The following MAP4K4 variants were observed in gnomAD, a reference collection of about 807,000 sequenced individuals.
The protein encoded by MAP4K4 is mitogen-activated protein kinase kinase kinase kinase 4.
In MAP4K4, 38 loss-of-function variants were observed where a neutral mutation model predicts 189.6. The ratio of observed to expected loss-of-function variants is 0.20; its 90% CI spans 0.15 to 0.26. MAP4K4 has a LOEUF of 0.26. Ranked by LOEUF, MAP4K4 falls within the 10% of genes least tolerant of loss-of-function variation. MAP4K4 has a pLI of 1.00. For missense variants in MAP4K4, 1,054 were observed against 1,726.9 expected, an observed-to-expected ratio of 0.61 and a Z score of 6.91; for synonymous variants, 610 against 624.3, an observed-to-expected ratio of 0.98 and a Z score of 0.34.
chr2:101,741,632 A>G (rs896020553), intron 2 of MAP4K4, among the ~76,000 whole-genome samples: 7 of 152,008 alleles, frequency 4.6e-5, no homozygotes, highest in African/African-American at 1.7e-4. Context: ...AAATATTGAT[A>G]TAATCCAGCT....
At chr2:101,706,691 T>C (rs1419424499) in intron 2 of MAP4K4, among the ~76,000 whole-genome samples, 1 of 152,246 alleles carries the variant, frequency 6.6e-6, no homozygotes, top group Non-Finnish European at 1.5e-5. Context: ...TATGCAGGTA[T>C]GGTTGCCCCT....
intron 16 of MAP4K4, chr2:101,861,774 A>G (rs2097663806): frequency 6.6e-6 from 1 of 152,188 alleles, no homozygotes; most frequent in Non-Finnish European, 1.5e-5. Flanking sequence ...GCTGAAAACT[A>G]CTGACTTTTA....
chr2:101,794,360 T>A (rs750738444), intron 3 of MAP4K4, among the ~76,000 whole-genome samples: 12 of 152,218 alleles, frequency 7.9e-5, no homozygotes, highest in Non-Finnish European at 1.6e-4. Context: ...TACCAGTGAT[T>A]GCTCAACTTG....
At position 101,730,115 on chromosome 2, in the gene MAP4K4, T is replaced by C. The variant is rs17025993; in HGVS notation, c.123+31577T>C. Reference sequence around the variant, plus strand: ...AGGACGGGGGAAAGTAAAGGCTTATTATAAGGTTTCGATTCTGCTTCGTTC... The same window carrying C: ...AGGACGGGGGAAAGTAAAGGCTTATCATAAGGTTTCGATTCTGCTTCGTTC... On this transcript the variant is annotated intron_variant, in intron 2 of 32. Coordinates refer to ENST00000324219, the Ensembl canonical transcript of MAP4K4. 6.6e-5 allele frequency among the ~76,000 whole-genome samples: 10 copies of C among 152,328 alleles called. No homozygotes were observed. The East Asian group carries it at 7.7e-4, about 12-fold the overall frequency.
At chr2:101,837,560 T>C (rs541015057) in intron 9 of MAP4K4, among the ~76,000 whole-genome samples, 2 of 152,258 alleles carry the variant, frequency 1.3e-5, no homozygotes, top group East Asian at 1.9e-4. Context: ...TAAGACATAA[T>C]AACTCTGGAC....
intron 24 of MAP4K4, 22 bp downstream of exon 24, chr2:101,871,707 G>A (rs1365849996): frequency 1.0e-5 from 16 of 1,532,114 alleles, no homozygotes; most frequent in Non-Finnish European, 3.5e-6. Context: ...ACCACAGCTG[G>A]CTGCTTTCCT....
intron 2 of MAP4K4, among the ~76,000 whole-genome samples, chr2:101,742,747 G>T (rs901306276): frequency 6.6e-6 from 1 of 152,108 alleles, no homozygotes; most frequent in African/African-American, 2.4e-5. Context: ...AGAGAATATT[G>T]ACTACTTAGG....
At chr2:101,739,187 C>T (rs1404243478) in intron 2 of MAP4K4, among the ~76,000 whole-genome samples, 2 of 152,138 alleles carry the variant, frequency 1.3e-5, no homozygotes, top group African/African-American at 4.8e-5. Context: ...ATCTGGCAGT[C>T]AACACAGTGC....
chr2:101,870,936 TA>T (rs1414902682), intron 23 of MAP4K4, among the ~76,000 whole-genome samples: 1 of 152,250 alleles, frequency 6.6e-6, no homozygotes, highest in African/African-American at 2.4e-5. Context: ...ACTTGTTGAA[TA>T]ATTAAATGTG....
At chr2:101,887,681 T>C (rs998602933) in intron 30 of MAP4K4, 97 bp from the exon 31 acceptor site, 21 of 811,440 alleles carry the variant, frequency 2.6e-5, no homozygotes, top group African/African-American at 1.4e-4. Context: ...TTCAGAGATA[T>C]GGTACCAGTG....
At chr2:101,717,288 A>G (rs1206455623) in intron 2 of MAP4K4, among the ~76,000 whole-genome samples, 3 of 152,184 alleles carry the variant, frequency 2.0e-5, no homozygotes, top group African/African-American at 7.2e-5. Context: ...TGTTTAGGAG[A>G]GCAAACGAAG....
In MAP4K4 at chr2:101,860,015, G is replaced by T. The variant is rs895784641; in HGVS notation, c.1704+151G>T. ...CTAACTAGGAAATTGAATTTCAGAG[G>T]AGTGGAGGGCCTTGCCCAAGGTTTC... On this transcript the variant is annotated intron_variant, in intron 15 of 32. Coordinates refer to ENST00000324219, the Ensembl canonical transcript of MAP4K4. The T allele has an allele frequency of 7.3e-6, 6 of 824,866 alleles. No individual in the cohort carries two copies. The African/African-American group carries it at 8.5e-5, about 12-fold the overall frequency. The allele number at this position is 824,866 out of a possible 1,614,324, so 51.1% of individuals were successfully genotyped here.
intron 3 of MAP4K4, among the ~76,000 whole-genome samples, chr2:101,810,268 A>G (rs1168547340): frequency 1.3e-5 from 2 of 152,138 alleles, no homozygotes; most frequent in African/African-American, 2.4e-5. Flanking sequence ...AGGGATGTTT[A>G]TAGAGAAGAT....
At chr2:101,733,381 A>G (rs1415799738) in intron 2 of MAP4K4, among the ~76,000 whole-genome samples, 3 of 152,242 alleles carry the variant, frequency 2.0e-5, no homozygotes, top group African/African-American at 4.8e-5. Flanking sequence ...CATTAGCTGC[A>G]TGGGGCCCAG....
chr2:101,806,976 G>C (rs1362125841), intron 3 of MAP4K4, among the ~76,000 whole-genome samples: 1 of 152,114 alleles, frequency 6.6e-6, no homozygotes, highest in African/African-American at 2.4e-5. Context: ...TGTGTGGTTG[G>C]GCACGTGTGG....
intron 2 of MAP4K4, among the ~76,000 whole-genome samples, chr2:101,728,602 T>C (rs1416712530): frequency 6.6e-6 from 1 of 152,162 alleles, no homozygotes; most frequent in African/African-American, 2.4e-5. Context: ...TCAGTGCAAC[T>C]CTGCCTCACA....
chr2:101,854,220 T>A (rs1001676308), intron 12 of MAP4K4, among the ~76,000 whole-genome samples: 1 of 152,166 alleles, frequency 6.6e-6, no homozygotes, highest in African/African-American at 2.4e-5. Flanking sequence ...CAAGAGACTT[T>A]ATAGATTATT....
intron 24 of MAP4K4, among the ~76,000 whole-genome samples, chr2:101,872,848 C>G (rs575091042): frequency 2.6e-5 from 4 of 152,322 alleles, no homozygotes; most frequent in Admixed American, 2.6e-4. Flanking sequence ...CACCTACACT[C>G]ACATTCTTCC....
intron 5 of MAP4K4, among the ~76,000 whole-genome samples, chr2:101,828,780 T>C (rs1273347319): frequency 2.0e-5 from 3 of 152,164 alleles, no homozygotes; most frequent in Admixed American, 2.0e-4. Flanking sequence ...AATAAGTAAA[T>C]GAGTTGTGAG....
Sources: gnomAD v4.1 joint callset for allele counts (sites outside exome capture counted in the v4.1 genomes callset) on GRCh38, gnomAD v4.1.1 for gene constraint, MANE v1.5 for transcripts, NCBI Gene and HGNC (gene_info 2026-07-23, HGNC 2026-07-21) for gene names.